Variants in ZNF804A observed in about 807,000 individuals in gnomAD.
The protein encoded by ZNF804A is zinc finger protein 804A.
In ZNF804A, 2 loss-of-function variants were observed where a neutral mutation model predicts 16.5. The observed-to-expected ratio is 0.12, with a 90% CI of 0.05 to 0.38. The LOEUF is 0.38. Ranked by LOEUF, ZNF804A falls within the 10% of genes least tolerant of loss-of-function variation. ZNF804A has a pLI of 0.99. For missense variants in ZNF804A, 1,473 were observed against 1,390.7 expected, an observed-to-expected ratio of 1.06 and a Z score of -0.94; for synonymous variants, 534 against 489.6, an observed-to-expected ratio of 1.09 and a Z score of -1.20.
intron 1 of ZNF804A, among the ~76,000 whole-genome samples, chr2:184,828,180 T>G (rs1040404305): frequency 1.3e-5 from 2 of 151,812 alleles, no homozygotes; most frequent in Admixed American, 1.3e-4. Context: ...CAAGATAGGT[T>G]TTATGTTCCC....
At chr2:184,769,299 C>G (rs1157268174) in intron 1 of ZNF804A, among the ~76,000 whole-genome samples, 2 of 152,038 alleles carry the variant, frequency 1.3e-5, no homozygotes, top group African/African-American at 4.8e-5. Context: ...CTCCCGAGAA[C>G]CTACATCCTG....
chr2:184,897,847 G>A lies in ZNF804A; in HGVS notation c.255+31335G>A, dbSNP rs564932475. Among the ~76,000 whole-genome samples, 14 of 151,992 alleles carry A rather than the reference G, an allele frequency of 9.2e-5. 1 individual carries two copies. In the South Asian group the frequency reaches 2.9e-3, roughly 32 times the overall value. ...TTGTTTTTAGAAGTTCCTTTCTTTA[G>A]GACGCTAGAGTATGGTCTAGGCTCT... On this transcript the variant is annotated intron_variant, in intron 2 of 3. Transcript: ENST00000302277.
At chr2:184,829,013 T>G (rs1695218058) in intron 1 of ZNF804A, among the ~76,000 whole-genome samples, 1 of 151,842 alleles carries the variant, frequency 6.6e-6, no homozygotes, top group Non-Finnish European at 1.5e-5. Flanking sequence ...GTTAGTATGT[T>G]TTTTATAAGG....
chr2:184,701,958 A>T (rs1457270988), intron 1 of ZNF804A, among the ~76,000 whole-genome samples: 2 of 152,012 alleles, frequency 1.3e-5, no homozygotes, highest in Non-Finnish European at 2.9e-5. Context: ...TGTTAAAAAG[A>T]GTTCTTTAGA....
At chr2:184,789,378 T>C (rs2105777825) in intron 1 of ZNF804A, among the ~76,000 whole-genome samples, 2 of 152,216 alleles carry the variant, frequency 1.3e-5, no homozygotes, top group Middle Eastern at 3.4e-3. Context: ...GTTTTCTCCT[T>C]GATTTTTCGG....
chr2:184,925,784 C>G (rs1182429322), intron 2 of ZNF804A, among the ~76,000 whole-genome samples: 2 of 151,904 alleles, frequency 1.3e-5, no homozygotes, highest in African/African-American at 4.8e-5. Context: ...AAGCTAACAA[C>G]TTAACAGTTT....
intron 2 of ZNF804A, among the ~76,000 whole-genome samples, chr2:184,892,351 A>G (rs1430133545): frequency 6.6e-6 from 1 of 152,124 alleles, no homozygotes; most frequent in East Asian, 1.9e-4. Flanking sequence ...AGAGAAAAAC[A>G]AGGGTAATGT....
chr2:184,900,592 G>C (rs752138734), intron 2 of ZNF804A, among the ~76,000 whole-genome samples: 3 of 152,022 alleles, frequency 2.0e-5, no homozygotes, highest in Non-Finnish European at 4.4e-5. Context: ...GTGTATTAAT[G>C]TAGGTCCTAA....
At chr2:184,819,788 AC>A (rs1695042990) in intron 1 of ZNF804A, among the ~76,000 whole-genome samples, 1 of 151,960 alleles carries the variant, frequency 6.6e-6, no homozygotes, top group Non-Finnish European at 1.5e-5. Flanking sequence ...TACTATAAAC[AC>A]CTCTATGCAC....
chr2:184,882,077 A>G (rs1414215745), intron 2 of ZNF804A, among the ~76,000 whole-genome samples: 1 of 152,054 alleles, frequency 6.6e-6, no homozygotes, highest in Non-Finnish European at 1.5e-5. Flanking sequence ...ATACACTCAA[A>G]GGAAAAGGAG....
intron 2 of ZNF804A, among the ~76,000 whole-genome samples, chr2:184,920,120 C>CAACAAACA (rs755717177): frequency 6.6e-6 from 1 of 151,970 alleles, no homozygotes; most frequent in Non-Finnish European, 1.5e-5. Context: ...ATCTAAAAAA[C>CAACAAACA]AACAAACAAA....
rs549333367 is a variant in ZNF804A, at chr2:184,801,904, T to G, written c.112-64465T>G. On this transcript the variant is annotated intron_variant, in intron 1 of 3. Coordinates refer to ENST00000302277, the MANE Select transcript of ZNF804A (RefSeq NM_194250.2). ...TAGGAGCGATGGAAATGGGGAAATA[T>G]GCCTTTAGTGTGAGGTTTTATGTTA... Among the ~76,000 whole-genome samples, 69 of 152,266 alleles carry G rather than the reference T, an allele frequency of 4.5e-4. No individual in the cohort carries two copies. The Middle Eastern group carries it at 0.01, about 23-fold the overall frequency.
chr2:184,784,507 A>G (rs1186245805), intron 1 of ZNF804A, among the ~76,000 whole-genome samples: 1 of 151,944 alleles, frequency 6.6e-6, no homozygotes, highest in African/African-American at 2.4e-5. Context: ...TACCTACAGC[A>G]GTAGGAAATA....
At position 184,883,875 on chromosome 2, in the gene ZNF804A, C is replaced by A. The variant is rs115896088; in HGVS notation, c.255+17363C>A. ...AAATAGGCAAATGCTGGAAACATTCCCATTGAAATCTGGAAGAAGACAAGG... is the reference window on the plus strand; with the variant it reads ...AAATAGGCAAATGCTGGAAACATTCACATTGAAATCTGGAAGAAGACAAGG... On this transcript the variant is annotated intron_variant, in intron 2 of 3. Transcript: ENST00000302277. Among the ~76,000 whole-genome samples, 1,226 of 152,108 alleles carry A rather than the reference C, an allele frequency of 8.1e-3. 12 individuals are homozygous for A. Among genetic ancestry groups the A allele is most frequent in the Middle Eastern group, 0.061 (18 of 294 alleles).
chr2:184,730,858 T>TTG (rs1553532684), intron 1 of ZNF804A, among the ~76,000 whole-genome samples: 6 of 151,882 alleles, frequency 4.0e-5, no homozygotes, highest in African/African-American at 1.5e-4. Context: ...TTTTTTTTTT[T>TTG]TGTGGACATA....
At chr2:184,652,931 C>A (rs1225011105) in intron 1 of ZNF804A, among the ~76,000 whole-genome samples, 1 of 152,152 alleles carries the variant, frequency 6.6e-6, no homozygotes. Context: ...GAAAAGGTGT[C>A]TTCTACTATG....
intron 2 of ZNF804A, among the ~76,000 whole-genome samples, chr2:184,873,426 A>G (rs1325374786): frequency 3.3e-5 from 5 of 152,148 alleles, no homozygotes; most frequent in Admixed American, 3.3e-4. Context: ...AGATCGAGGC[A>G]GCAGTGAGCC....
chr2:184,752,485 G>A (rs78647299), intron 1 of ZNF804A, among the ~76,000 whole-genome samples: 2,064 of 151,446 alleles, frequency 0.014, 58 homozygotes, highest in African/African-American at 0.047. Context: ...AAAATGTGGG[G>A]GATAGGAGGA....
At chr2:184,666,511 T>C (rs766544848) in intron 1 of ZNF804A, among the ~76,000 whole-genome samples, 31 of 152,224 alleles carry the variant, frequency 2.0e-4, no homozygotes, top group South Asian at 4.1e-4. Context: ...TAAAAATTTA[T>C]ATCCCTACAC....
Sources: gnomAD v4.1 joint callset for allele counts (sites outside exome capture counted in the v4.1 genomes callset) on GRCh38, gnomAD v4.1.1 for gene constraint, MANE v1.5 for transcripts, NCBI Gene and HGNC (gene_info 2026-07-23, HGNC 2026-07-21) for gene names.